Variants in DDX3Y observed in about 807,000 individuals in gnomAD.
DDX3Y encodes the protein ATP-dependent RNA helicase DDX3Y.
DDX3Y carries 2 observed loss-of-function variants against 15.1 expected under a neutral mutation model. The ratio of observed to expected loss-of-function variants is 0.13; its 90% CI spans 0.05 to 0.42. The LOEUF (loss-of-function observed/expected upper bound fraction) is 0.42, where lower values mean the gene tolerates loss of function less well. Ranked by LOEUF, DDX3Y falls within the 10% of genes least tolerant of loss-of-function variation. The pLI is 0.99. For synonymous variants in DDX3Y, 47 were observed against 45.0 expected (o/e 1.04, Z -0.18); for missense variants, 81 against 149.9 (o/e 0.54, Z 2.40).
At chrY:12,911,630 C>G in intron 3 of DDX3Y, among the ~76,000 whole-genome samples, 1 of 34,042 alleles carries the variant, frequency 2.9e-5, no homozygotes. Context: ...CTACCTTGTT[C>G]TCAGGTCATG....
intron 3 of DDX3Y, among the ~76,000 whole-genome samples, chrY:12,911,214 C>A (rs2053626595): frequency 6.0e-5 from 2 of 33,350 alleles, no homozygotes; most frequent in Non-Finnish European, 1.5e-4. Flanking sequence ...CTGTTTTAAT[C>A]CATCTGACAT....
chrY:12,910,459 A>G (rs9341294), intron 3 of DDX3Y, among the ~76,000 whole-genome samples: 86 of 33,941 alleles, frequency 2.5e-3, no homozygotes, highest in African/African-American at 9.1e-3. Flanking sequence ...TGTGGTTGTG[A>G]AGTGAGTTTA....
chrY:12,914,721 C>T (rs34812786), intron 8 of DDX3Y, 72 bp downstream of exon 8: 11,684 of 278,456 alleles, frequency 0.042, no homozygotes, highest in Middle Eastern at 0.21. Flanking sequence ...ACTTTTCTAA[C>T]GGATGCCAGA....
intron 3 of DDX3Y, among the ~76,000 whole-genome samples, chrY:12,911,507 A>G: frequency 3.0e-5 from 1 of 33,593 alleles, no homozygotes; most frequent in Non-Finnish European, 7.4e-5. Context: ...ATCTTAAATA[A>G]TTTAATTGGA....
chrY:12,917,550 T>A lies in DDX3Y; in HGVS notation c.1903+8T>A. 2.6e-6 allele frequency: 1 copy of A among 383,262 alleles called. No homozygotes were observed. The highest frequency in any genetic ancestry group is 3.6e-6 in the Non-Finnish European group (1 of 277,442). ...GCAGAGGATTTGGTGGAGGTAATGT[T>A]AATTTTTCTTTTAGGAAGGGCTTTT... On this transcript the variant is annotated splice_region_variant and intron_variant, in intron 16 of 16. Transcript: ENST00000336079.
At chrY:12,906,777 T>C (rs2053613278) in intron 1 of DDX3Y, among the ~76,000 whole-genome samples, 1 of 30,399 alleles carries the variant, frequency 3.3e-5, no homozygotes, top group Admixed American at 3.1e-4. Context: ...TAAGGTATTA[T>C]GCTGAAAGCC....
upstream of DDX3Y, chrY:12,904,786 A>G (rs936666340): frequency 5.3e-6 from 1 of 190,200 alleles, no homozygotes; most frequent in Non-Finnish European, 9.8e-6. Context: ...ACGATTACGC[A>G]CGTTGTGCGT....
chrY:12,914,615 C>T lies in DDX3Y; in HGVS notation c.725C>T (p.Thr242Ile), dbSNP rs1420961844. Residue 242 changes from threonine to isoleucine, a missense_variant, in exon 8 of 17, where the codon ACA (threonine) becomes ATA (isoleucine). Transcript: ENST00000336079. ...FLLPILSQIYTDGPGEALKAV... is the reference protein window; with the variant it reads ...FLLPILSQIYIDGPGEALKAV... ...TTACCCATACTGAGTCAGATATATA[C>T]AGATGGTCCAGGAGAAGCTTTGAAG... The T allele has an allele frequency of 2.5e-6, 1 of 393,991 alleles. No individual in the cohort carries two copies. Among genetic ancestry groups the T allele is most frequent in the Non-Finnish European group, 3.6e-6 (1 of 279,873 alleles).
chrY:12,915,280 T>G, intron 10 of DDX3Y, 53 bp downstream of exon 10: 1 of 360,191 alleles, frequency 2.8e-6, no homozygotes, highest in Non-Finnish European at 4.0e-6. Flanking sequence ...AAAAGTTGAT[T>G]ACTTTTGTTG....
Position 12,916,252 on chromosome Y carries a change from AT to A in DDX3Y, c.1310-4del. 2.5e-6 allele frequency: 1 copy of A among 397,289 alleles called. No homozygotes were observed. The highest frequency in any genetic ancestry group is 3.5e-6 in the Non-Finnish European group (1 of 282,846). On this transcript the variant is annotated splice_polypyrimidine_tract_variant and splice_region_variant and intron_variant, in intron 12 of 16. Coordinates refer to ENST00000336079, the MANE Select transcript of DDX3Y (RefSeq NM_004660.5). ...CACTGTGAGTAAACAAAGCCTTATA[AT>A]TTTTCAGGGAGTGATTCACTTACTT...
Position 12,919,901 on chromosome Y carries a change from A to G in DDX3Y, c.*1779A>G. ...TTGTAAGCCTAAAAATGATTCTTTG[A>G]AAGTTTAAAGAAACTTGACCAAAAG... is the stretch of plus-strand genomic sequence containing the variant. On this transcript the variant is annotated 3_prime_UTR_variant, in exon 17 of 17. Transcript: ENST00000336079. The G allele has an allele frequency of 8.8e-5, 3 of 34,023 alleles. No homozygotes were observed. Among genetic ancestry groups the G allele is most frequent in the Non-Finnish European group, 1.5e-4 (2 of 13,652 alleles). The allele number at this position is 34,023 out of a possible 400,897, so 8.5% of individuals were successfully genotyped here.
intron 7 of DDX3Y, 107 bp downstream of exon 7, chrY:12,913,960 G>A: frequency 9.8e-6 from 2 of 204,015 alleles, no homozygotes; most frequent in Non-Finnish European, 1.6e-5. Context: ...AGCATTTGAG[G>A]TAGGTAAAGA....
chrY:12,914,537 A>G, intron 7 of DDX3Y, 27 bp from the exon 8 acceptor site: 3 of 340,632 alleles, frequency 8.8e-6, no homozygotes, highest in Non-Finnish European at 1.3e-5. Flanking sequence ...AATATTCAGA[A>G]ATGATAAGCC....
intron 15 of DDX3Y, 98 bp downstream of exon 15, chrY:12,917,158 T>C: frequency 3.5e-6 from 1 of 285,932 alleles, no homozygotes; most frequent in Non-Finnish European, 5.2e-6. Context: ...TTTTCAACAA[T>C]AATAAACATT....
At chrY:12,910,934 G>A (rs2053625564) in intron 3 of DDX3Y, among the ~76,000 whole-genome samples, 1 of 26,132 alleles carries the variant, frequency 3.8e-5, no homozygotes, top group Non-Finnish European at 8.9e-5. Flanking sequence ...TTTTTGAGAC[G>A]GAGTCTTGCT....
chrY:12,915,575 G>A, intron 10 of DDX3Y, 55 bp from the exon 11 acceptor site: 1 of 337,637 alleles, frequency 3.0e-6, no homozygotes, highest in Non-Finnish European at 4.3e-6. Flanking sequence ...ACTATATATA[G>A]TAATTAGTTT....
intron 15 of DDX3Y, 120 bp downstream of exon 15, chrY:12,917,180 A>G: frequency 7.9e-6 from 2 of 251,626 alleles, no homozygotes; most frequent in South Asian, 8.2e-5. Flanking sequence ...TGGGCAAGGG[A>G]TGATTATTAG....
intron 6 of DDX3Y, 81 bp from the exon 7 acceptor site, chrY:12,913,637 G>A: frequency 1.0e-5 from 3 of 300,201 alleles, no homozygotes; most frequent in African/African-American, 6.9e-5. Flanking sequence ...CAGAAATTGC[G>A]ACAGATACAG....
In DDX3Y at chrY:12,914,956, G is replaced by A; in HGVS notation, c.832G>A (p.Val278Ile). 2.5e-6 allele frequency: 1 copy of A among 397,724 alleles called. No individual in the cohort carries two copies. Among genetic ancestry groups the A allele is most frequent in the Non-Finnish European group, 3.5e-6 (1 of 282,792 alleles). The change falls in exon 9 of 17, where the codon GTA becomes ATA. Residue 278 changes from valine (V) to isoleucine (I), a missense_variant. Physicochemically the swap from Val to Ile is conservative, Grantham distance 29. Coordinates refer to ENST00000336079, the MANE Select transcript of DDX3Y (RefSeq NM_004660.5). ...LVLAPTRELA[V>I]QIYEEARKFS... Reference sequence around the variant, plus strand: ...TTTAGCCCCAACAAGAGAATTGGCTGTACAGATCTATGAGGAAGCCAGAAA... The same window carrying A: ...TTTAGCCCCAACAAGAGAATTGGCTATACAGATCTATGAGGAAGCCAGAAA...
Sources: gnomAD v4.1 joint callset for allele counts (sites outside exome capture counted in the v4.1 genomes callset) on GRCh38, gnomAD v4.1.1 for gene constraint, MANE v1.5 for transcripts, NCBI Gene and HGNC (gene_info 2026-07-23, HGNC 2026-07-21) for gene names.